The following SLC4A4 variants were observed in gnomAD, a reference collection of about 807,000 sequenced individuals.
SLC4A4 encodes electrogenic sodium bicarbonate cotransporter 1.
SLC4A4 carries 27 observed loss-of-function variants against 111.5 expected under a neutral mutation model. The ratio of observed to expected loss-of-function variants is 0.24; its 90% CI spans 0.18 to 0.33. The LOEUF (loss-of-function observed/expected upper bound fraction) is 0.33. SLC4A4 is among the 10% of genes least tolerant of loss of function. The probability of loss-of-function intolerance (pLI) is 1.00; values close to 1 mark genes in which losing one functional copy is unlikely to be tolerated. For synonymous variants in SLC4A4, 443 were observed against 463.4 expected, an observed-to-expected ratio of 0.96 and a Z score of 0.57; for missense variants, 909 against 1,315.5, an observed-to-expected ratio of 0.69 and a Z score of 4.78.
rs199843215 is a variant in SLC4A4 at position 71,236,645 on chromosome 4, A to G, written c.69A>G (p.Val23=). 522 of 1,613,640 alleles carry G rather than the reference A, an allele frequency of 3.2e-4. 1 individual carries two copies. Among genetic ancestry groups the G allele is most frequent in the South Asian group, 6.7e-4 (61 of 91,070 alleles). Residue 23 remains valine, a synonymous_variant, in exon 2 of 26, where the codon GTA becomes GTG. Transcript: ENST00000264485. ...FLKHVCDEEE[V]EGHHTIYIGV... ...AGCATGTGTGTGATGAAGAAGAAGT[A>G]GAAGGTGAGCTTTATGGGTCTGGGA...
At chr4:71,195,601 G>A (rs978626531) in intron 1 of SLC4A4, among the ~76,000 whole-genome samples, 2 of 152,190 alleles carry the variant, frequency 1.3e-5, no homozygotes, top group Non-Finnish European at 2.9e-5. Flanking sequence ...AATCTCATCT[G>A]TTCTGAGTGA....
intron 7 of SLC4A4, among the ~76,000 whole-genome samples, chr4:71,424,117 T>G (rs2149029185): frequency 6.6e-6 from 1 of 152,074 alleles, no homozygotes; most frequent in Admixed American, 6.6e-5. Context: ...ATATCCAGAA[T>G]CTACAATGAA....
At chr4:71,156,573 T>TGCGTGC (rs1553957303) in intron 2 of SLC4A4, among the ~76,000 whole-genome samples, 1 of 85,642 alleles carries the variant, frequency 1.2e-5, no homozygotes, top group African/African-American at 2.9e-5. Context: ...TGTGCGCGCA[T>TGCGTGC]GCGCGCGCGC....
At chr4:71,264,381 T>G (rs1722087024) in intron 3 of SLC4A4, among the ~76,000 whole-genome samples, 1 of 152,148 alleles carries the variant, frequency 6.6e-6, no homozygotes, top group African/African-American at 2.4e-5. Flanking sequence ...TTATCAAAAT[T>G]TTACCACAAA....
At chr4:71,113,237 TAA>T (rs1743144436) in intron 2 of SLC4A4, among the ~76,000 whole-genome samples, 2 of 152,240 alleles carry the variant, frequency 1.3e-5, no homozygotes, top group Non-Finnish European at 2.9e-5. Context: ...AAGAGATGGT[TAA>T]AGTCTCTCTT....
intron 2 of SLC4A4, among the ~76,000 whole-genome samples, chr4:71,144,522 A>G (rs1275199830): frequency 5.3e-5 from 8 of 151,928 alleles, no homozygotes; most frequent in African/African-American, 9.7e-5. Context: ...CATTGAATCT[A>G]TAAATTACCT....
chr4:71,547,569 A>G, intron 19 of SLC4A4, 79 bp from the exon 20 acceptor site: 1 of 1,122,956 alleles, frequency 8.9e-7, no homozygotes, highest in Non-Finnish European at 1.4e-6. Context: ...GTCAATGTGT[A>G]GTTTTTTTGA....
chr4:71,087,383 G>GT (rs1419070712), intron 1 of SLC4A4, among the ~76,000 whole-genome samples: 3 of 151,890 alleles, frequency 2.0e-5, no homozygotes, highest in Admixed American at 6.6e-5. Flanking sequence ...TTTTTGAAGG[G>GT]TTTTTTGTGT....
At chr4:71,150,877 G>T (rs1578527210) in intron 2 of SLC4A4, among the ~76,000 whole-genome samples, 1 of 152,168 alleles carries the variant, frequency 6.6e-6, no homozygotes, top group Admixed American at 6.5e-5. Flanking sequence ...TGGAATCTGG[G>T]GATGTTTGTA....
chr4:71,207,827 CG>C (rs1235860165), intron 1 of SLC4A4, among the ~76,000 whole-genome samples: 1 of 152,006 alleles, frequency 6.6e-6, no homozygotes, highest in African/African-American at 2.4e-5. Context: ...CCTTTTTCTT[CG>C]GGGAGACAGG....
chr4:71,146,865 C>G (rs1744186961), intron 2 of SLC4A4, among the ~76,000 whole-genome samples: 2 of 152,116 alleles, frequency 1.3e-5, no homozygotes, highest in South Asian at 2.1e-4. Flanking sequence ...ATCATAATGA[C>G]AGGATCAAAT....
chr4:71,309,711 C>A (rs764655131), intron 3 of SLC4A4, among the ~76,000 whole-genome samples: 4 of 152,088 alleles, frequency 2.6e-5, no homozygotes, highest in Non-Finnish European at 5.9e-5. Flanking sequence ...CAGATAAATC[C>A]ATGAAGATGA....
At chr4:71,357,480 A>C (rs926133172) in intron 6 of SLC4A4, among the ~76,000 whole-genome samples, 10 of 152,170 alleles carry the variant, frequency 6.6e-5, no homozygotes, top group African/African-American at 2.4e-4. Context: ...GAAACAATTG[A>C]ATATTATAGA....
At chr4:71,555,372 A>C (rs766157866) in intron 21 of SLC4A4, among the ~76,000 whole-genome samples, 164 bp downstream of exon 21, 1 of 151,914 alleles carries the variant, frequency 6.6e-6, no homozygotes, top group Non-Finnish European at 1.5e-5. Context: ...TTTCTGGTTT[A>C]ATCAACAAGT....
intron 3 of SLC4A4, among the ~76,000 whole-genome samples, chr4:71,293,050 C>A (rs111583239): frequency 0.074 from 11,114 of 149,468 alleles, 743 homozygotes; most frequent in Admixed American, 0.21. Context: ...ACCATCTTGG[C>A]CAGGCTGGTC....
At chr4:71,217,466 G>A (rs973195758) in intron 1 of SLC4A4, among the ~76,000 whole-genome samples, 1 of 152,198 alleles carries the variant, frequency 6.6e-6, no homozygotes, top group Non-Finnish European at 1.5e-5. Context: ...GGGAGGCTGA[G>A]ACAGGAGAAT....
At chr4:71,242,139 A>G (rs1560806105) in intron 2 of SLC4A4, among the ~76,000 whole-genome samples, 1 of 152,206 alleles carries the variant, frequency 6.6e-6, no homozygotes, top group Non-Finnish European at 1.5e-5. Flanking sequence ...TATCGGCCAA[A>G]GCCCTCTTGA....
chr4:71,070,680 TA>T (rs1741638631), intron 1 of SLC4A4, among the ~76,000 whole-genome samples: 1 of 152,140 alleles, frequency 6.6e-6, no homozygotes, highest in African/African-American at 2.4e-5. Flanking sequence ...AAAAAGCAAT[TA>T]AAAATACTGG....
chr4:71,477,143 T>A (rs1318853631), intron 14 of SLC4A4, among the ~76,000 whole-genome samples: 1 of 151,766 alleles, frequency 6.6e-6, no homozygotes, highest in African/African-American at 2.4e-5. Context: ...TGAATTTCAG[T>A]GTTACCCAGA....
Sources: gnomAD v4.1 joint callset for allele counts (sites outside exome capture counted in the v4.1 genomes callset) on GRCh38, gnomAD v4.1.1 for gene constraint, MANE v1.5 for transcripts, NCBI Gene and HGNC (gene_info 2026-07-23, HGNC 2026-07-21) for gene names.